Variants in KCNMA1 observed in about 807,000 individuals in gnomAD.
The protein encoded by KCNMA1 is potassium calcium-activated channel subfamily M alpha 1, also known as Calcium-activated potassium channel subunit alpha-1.
In KCNMA1, 29 loss-of-function variants were observed where a neutral mutation model predicts 140.0. That is an observed-to-expected ratio of 0.21 (90% CI 0.15 to 0.28). The LOEUF (loss-of-function observed/expected upper bound fraction) is 0.28, where lower values mean the gene tolerates loss of function less well. KCNMA1 is among the 10% of genes least tolerant of loss of function. KCNMA1 has a pLI of 1.00. For synonymous variants in KCNMA1, 612 were observed against 611.9 expected (o/e 1.00, Z 0.00); for missense variants, 880 against 1,602.2 (o/e 0.55, Z 7.70).
chr10:77,549,796 T>C (rs2062328875), intron 1 of KCNMA1, among the ~76,000 whole-genome samples: 1 of 152,212 alleles, frequency 6.6e-6, no homozygotes, highest in Non-Finnish European at 1.5e-5. Flanking sequence ...CCACCACAGT[T>C]AGAGGAAAAT....
intron 1 of KCNMA1, among the ~76,000 whole-genome samples, chr10:77,436,888 G>C (rs979412126): frequency 1.3e-5 from 2 of 151,804 alleles, no homozygotes; most frequent in African/African-American, 4.8e-5. Flanking sequence ...AAAATTATCT[G>C]AATATGCCAG....
chr10:76,881,143 A>G (rs920007368), downstream of KCNMA1, among the ~76,000 whole-genome samples: 1 of 152,202 alleles, frequency 6.6e-6, no homozygotes, highest in African/African-American at 2.4e-5. Context: ...GTCACCTATC[A>G]AGACCAGCTA....
intron 2 of KCNMA1, among the ~76,000 whole-genome samples, chr10:77,306,342 G>A (rs1438298990): frequency 6.6e-6 from 1 of 152,212 alleles, no homozygotes; most frequent in African/African-American, 2.4e-5. Flanking sequence ...CTGTGGAACA[G>A]GAGCAGCTAA....
chr10:77,269,199 T>C (rs1257549485), intron 2 of KCNMA1, among the ~76,000 whole-genome samples: 2 of 152,298 alleles, frequency 1.3e-5, no homozygotes, highest in South Asian at 2.1e-4. Context: ...TTCCTTTCAA[T>C]TTTACCTTAA....
chr10:76,939,112 T>TGAAAGCC, intron 23 of KCNMA1: 1 of 14,920 alleles, frequency 6.7e-5, no homozygotes, highest in East Asian at 5.3e-3. Flanking sequence ...CACCTCTTCT[T>TGAAAGCC]TTTTTTTTTT....
At chr10:77,630,975 A>C (rs1331139087) in intron 1 of KCNMA1, among the ~76,000 whole-genome samples, 1 of 151,790 alleles carries the variant, frequency 6.6e-6, no homozygotes, top group East Asian at 1.9e-4. Context: ...GTGTGGTGGC[A>C]CACACCCATA....
At chr10:77,315,855 TC>T (rs1418902083) in intron 2 of KCNMA1, among the ~76,000 whole-genome samples, 1 of 152,122 alleles carries the variant, frequency 6.6e-6, no homozygotes, top group Non-Finnish European at 1.5e-5. Flanking sequence ...CACTGCATTT[TC>T]CCCAGTGGAG....
intron 2 of KCNMA1, among the ~76,000 whole-genome samples, chr10:77,283,882 C>T (rs1359106006): frequency 6.6e-6 from 1 of 152,164 alleles, no homozygotes; most frequent in Non-Finnish European, 1.5e-5. Context: ...AGAAGAGCTG[C>T]TCACAAAAGA....
At chr10:77,279,292 T>C (rs1455253156) in intron 2 of KCNMA1, among the ~76,000 whole-genome samples, 1 of 152,008 alleles carries the variant, frequency 6.6e-6, no homozygotes, top group East Asian at 1.9e-4. Context: ...GTTTCAAGGG[T>C]AAATAGAAAA....
intron 2 of KCNMA1, among the ~76,000 whole-genome samples, chr10:77,400,630 T>A (rs1185544704): frequency 1.3e-5 from 2 of 152,174 alleles, no homozygotes; most frequent in Admixed American, 1.3e-4. Flanking sequence ...AAGCTGAATG[T>A]TTTTAGACAA....
intron 14 of KCNMA1, among the ~76,000 whole-genome samples, chr10:77,059,073 C>G (rs2095645612): frequency 6.6e-6 from 1 of 151,800 alleles, no homozygotes; most frequent in South Asian, 2.1e-4. Context: ...CTATGAATAA[C>G]TCTACATACA....
rs75207686 is a variant in KCNMA1, at chr10:77,110,248, G to C, written c.1056C>G (p.Thr352=). 1 of 1,613,866 alleles carries C rather than the reference G, an allele frequency of 6.2e-7. No individual in the cohort carries two copies. Among genetic ancestry groups the C allele is most frequent in the Admixed American group, 1.7e-5 (1 of 60,018 alleles). The change falls in exon 8 of 28, where the codon ACC becomes ACG. Residue 352 remains threonine (T), a synonymous_variant. Coordinates refer to ENST00000286628, the MANE Select transcript of KCNMA1 (RefSeq NM_001161352.2). ...TTGCATAAACATCCCCATAACCAACGGTGGACATTGTGACCATGAGTAAAT... is the reference window on the plus strand; with the variant it reads ...TTGCATAAACATCCCCATAACCAACCGTGGACATTGTGACCATGAGTAAAT... ...CVYLLMVTMS[T]VGYGDVYAKT... is the part of the protein sequence containing the mutation.
In KCNMA1 at chr10:77,153,549, T is replaced by A. The variant is rs77293139; in HGVS notation, c.808+29872A>T. On this transcript the variant is annotated intron_variant, in intron 5 of 27. Coordinates refer to ENST00000286628, the MANE Select transcript of KCNMA1 (RefSeq NM_001161352.2). ...TCTACATCCAGCTAATTTTTTGTATTTTTTCTAGAGATGGGTTTCACCATG... is the reference window on the plus strand; with the variant it reads ...TCTACATCCAGCTAATTTTTTGTATATTTTCTAGAGATGGGTTTCACCATG... Among the ~76,000 whole-genome samples the A allele has an allele frequency of 1.6e-4, 24 of 152,030 alleles. No individual in the cohort carries two copies. In the East Asian group the frequency reaches 4.5e-3, roughly 28 times the overall value.
chr10:77,226,309 T>C (rs865894008), intron 3 of KCNMA1, among the ~76,000 whole-genome samples: 2 of 152,070 alleles, frequency 1.3e-5, no homozygotes, highest in Non-Finnish European at 2.9e-5. Flanking sequence ...GATGTATACA[T>C]CCCTTTAGCC....
At chr10:77,375,028 C>A (rs1161627599) in intron 2 of KCNMA1, among the ~76,000 whole-genome samples, 2 of 102,582 alleles carry the variant, frequency 1.9e-5, no homozygotes, top group Non-Finnish European at 4.0e-5. Context: ...GGGACTTACC[C>A]AATGCAGTCA....
At chr10:77,156,931 C>T (rs2098492964) in intron 5 of KCNMA1, among the ~76,000 whole-genome samples, 1 of 152,132 alleles carries the variant, frequency 6.6e-6, no homozygotes, top group South Asian at 2.1e-4. Context: ...CCCCTGCCCA[C>T]CAAACCATCC....
At position 76,891,724 on chromosome 10, in the gene KCNMA1, G is replaced by A; in HGVS notation, c.3148-5C>T. The stretch of plus-strand genomic sequence containing the variant: ...GATATTGTCATTGAAGTACGTCTGG[G>A]GAAGGAGAGAAAGTGAGGGAAAAGT... On this transcript the variant is annotated splice_region_variant and splice_polypyrimidine_tract_variant and intron_variant, in intron 25 of 27. Transcript: ENST00000286628. The A allele has an allele frequency of 3.1e-6, 5 of 1,612,998 alleles. No homozygotes were observed. The highest frequency in any genetic ancestry group is 4.2e-6 in the Non-Finnish European group (5 of 1,179,486).
At chr10:77,463,090 G>C (rs1603626041) in intron 1 of KCNMA1, among the ~76,000 whole-genome samples, 1 of 152,270 alleles carries the variant, frequency 6.6e-6, no homozygotes, top group African/African-American at 2.4e-5. Context: ...TAGGTTTTCT[G>C]GCTGGACTTT....
chr10:77,007,933 G>A (rs1232126112), intron 18 of KCNMA1, among the ~76,000 whole-genome samples: 3 of 152,054 alleles, frequency 2.0e-5, no homozygotes, highest in East Asian at 1.9e-4. Context: ...GACAGTGCCC[G>A]AAGCTGGCCA....
Sources: allele counts gnomAD v4.1 joint callset (sites outside exome capture counted in the v4.1 genomes callset), GRCh38; gene constraint gnomAD v4.1.1; transcripts MANE v1.5; gene names NCBI Gene and HGNC (gene_info 2026-07-23, HGNC 2026-07-21).